The following ST6GALNAC3 variants were observed in gnomAD, a reference collection of about 807,000 sequenced individuals.
ST6GALNAC3 encodes ST6 N-acetylgalactosaminide alpha-2,6-sialyltransferase 3, also known as alpha-N-acetylgalactosaminide alpha-2,6-sialyltransferase 3.
In ST6GALNAC3, 25 loss-of-function variants were observed where a neutral mutation model predicts 32.7. That is an observed-to-expected ratio of 0.76 (90% CI 0.56 to 1.07). ST6GALNAC3 has a LOEUF of 1.07. ST6GALNAC3 is among the 50% of genes least tolerant of loss of function. The probability of loss-of-function intolerance (pLI) is 0.00; values close to 1 mark genes in which losing one functional copy is unlikely to be tolerated. For missense variants in ST6GALNAC3, 355 were observed against 382.4 expected (o/e 0.93, Z 0.60); for synonymous variants, 129 against 133.1 (o/e 0.97, Z 0.21).
At chr1:76,272,013 G>A (rs1658871264) in intron 1 of ST6GALNAC3, among the ~76,000 whole-genome samples, 1 of 151,992 alleles carries the variant, frequency 6.6e-6, no homozygotes, top group Non-Finnish European at 1.5e-5. Flanking sequence ...CTTAGAAACA[G>A]GGTGCATTGT....
chr1:76,449,149 G>A (rs1657203471), intron 3 of ST6GALNAC3, among the ~76,000 whole-genome samples: 1 of 152,140 alleles, frequency 6.6e-6, no homozygotes, highest in African/African-American at 2.4e-5. Context: ...TTGTGAAAAT[G>A]GACTAATGCA....
chr1:76,459,535 G>T (rs1283408786), intron 3 of ST6GALNAC3, among the ~76,000 whole-genome samples: 1 of 150,682 alleles, frequency 6.6e-6, no homozygotes, highest in Non-Finnish European at 1.5e-5. Context: ...CTGCACTCCA[G>T]CCTGGGCGAC....
chr1:76,501,582 C>T (rs1661178675), intron 3 of ST6GALNAC3, among the ~76,000 whole-genome samples: 1 of 152,082 alleles, frequency 6.6e-6, no homozygotes, highest in Admixed American at 6.6e-5. Context: ...AAAAAAACCA[C>T]GCCTAATAAG....
intron 2 of ST6GALNAC3, among the ~76,000 whole-genome samples, chr1:76,347,455 A>G (rs1433821475): frequency 2.0e-5 from 3 of 152,022 alleles, no homozygotes; most frequent in Non-Finnish European, 4.4e-5. Flanking sequence ...TGATTTTAAT[A>G]TATCTTTGAT....
chr1:76,441,702 G>A (rs1029048394), intron 3 of ST6GALNAC3, among the ~76,000 whole-genome samples: 2 of 151,894 alleles, frequency 1.3e-5, no homozygotes, highest in African/African-American at 4.8e-5. Context: ...CTATCAAATA[G>A]TAGGTCTTAT....
intron 2 of ST6GALNAC3, among the ~76,000 whole-genome samples, chr1:76,385,913 G>A (rs968995522): frequency 6.6e-6 from 1 of 152,060 alleles, no homozygotes; most frequent in Non-Finnish European, 1.5e-5. Context: ...GACCCTGAGA[G>A]TCACTTTATG....
rs58714013 is a variant in ST6GALNAC3 at position 76,077,258 on chromosome 1, C to CT, written c.18+2386dup. The stretch of plus-strand genomic sequence containing the variant: ...GTTTTTATGAGGATAAAACTATGGA[C>CT]TTTTTTTTTTTTAATGAAATATTTT... On this transcript the variant is annotated intron_variant, in intron 1 of 4. Transcript: ENST00000328299. Among the ~76,000 whole-genome samples the CT allele has an allele frequency of 6.5e-3, 943 of 145,638 alleles. 11 individuals are homozygous for CT. The highest frequency in any genetic ancestry group is 0.02 in the African/African-American group (801 of 39,490).
At chr1:76,285,140 G>GAA (rs1007638713) in intron 1 of ST6GALNAC3, among the ~76,000 whole-genome samples, 1 of 152,138 alleles carries the variant, frequency 6.6e-6, no homozygotes, top group Non-Finnish European at 1.5e-5. Flanking sequence ...GTCTAACCTA[G>GAA]AACTAAAGCC....
At chr1:76,122,700 A>T (rs554203427) in intron 1 of ST6GALNAC3, among the ~76,000 whole-genome samples, 1 of 152,302 alleles carries the variant, frequency 6.6e-6, no homozygotes, top group Non-Finnish European at 1.5e-5. Flanking sequence ...GGGGGTGATT[A>T]TGCTTGAGAA....
In ST6GALNAC3 at chr1:76,113,832, C is replaced by CT. The variant is rs575165541; in HGVS notation, c.18+38959dup. On this transcript the variant is annotated intron_variant, in intron 1 of 4. Coordinates refer to ENST00000328299, the MANE Select transcript of ST6GALNAC3 (RefSeq NM_152996.4). ...GTTTTGGAAATTACAAATGAAGTAT[C>CT]TTTTTTTTTTTGAGATGGAGTTTCG... is the stretch of plus-strand genomic sequence containing the variant. Among the ~76,000 whole-genome samples the CT allele has an allele frequency of 6.8e-3, 995 of 145,752 alleles. 8 individuals carry two copies. The highest frequency in any genetic ancestry group is 0.018 in the South Asian group (83 of 4,610).
At chr1:76,136,305 T>C (rs1271960454) in intron 1 of ST6GALNAC3, among the ~76,000 whole-genome samples, 1 of 152,234 alleles carries the variant, frequency 6.6e-6, no homozygotes, top group Non-Finnish European at 1.5e-5. Context: ...TTGTTGTCAA[T>C]AGTCTCTTTG....
At chr1:76,485,004 A>G (rs115915385) in intron 3 of ST6GALNAC3, among the ~76,000 whole-genome samples, 5,675 of 152,130 alleles carry the variant, frequency 0.037, 364 homozygotes, top group African/African-American at 0.13. Flanking sequence ...CTTTGGCTCT[A>G]TTTATATGCT....
intron 3 of ST6GALNAC3, among the ~76,000 whole-genome samples, chr1:76,528,334 T>C (rs1663044605): frequency 6.6e-6 from 1 of 152,154 alleles, no homozygotes; most frequent in African/African-American, 2.4e-5. Flanking sequence ...CTCAGAGAGA[T>C]TGAGACGCTT....
At chr1:76,560,004 C>G (rs1665154824) in intron 3 of ST6GALNAC3, among the ~76,000 whole-genome samples, 6 of 152,070 alleles carry the variant, frequency 3.9e-5, no homozygotes, top group Admixed American at 3.9e-4. Flanking sequence ...TCCAATAAAG[C>G]ATAGAGAACC....
At position 76,202,267 on chromosome 1, in the gene ST6GALNAC3, C is replaced by CGTGTGTGTGT. The variant is rs1009699009; in HGVS notation, c.19-111538_19-111537insGTGTGTGTGT. Among the ~76,000 whole-genome samples the CGTGTGTGTGT allele has an allele frequency of 1.3e-3, 125 of 96,878 alleles. No homozygotes were observed. In the South Asian group the frequency reaches 0.024, roughly 19 times the overall value. The allele number at this position is 96,878 out of a possible 152,430, so 63.6% of individuals were successfully genotyped here. A position where few individuals can be genotyped will look rare whatever the true frequency, so the allele number is the denominator to read the frequency against. ...TGTGGGTGGAGAGTGTGTGTGCATG[C>CGTGTGTGTGT]ATGTGTGTGTGTGTGTGTGTGTGTG... On this transcript the variant is annotated intron_variant, in intron 1 of 4. Transcript: ENST00000328299.
chr1:76,085,472 G>T (rs1646952479), intron 1 of ST6GALNAC3, among the ~76,000 whole-genome samples: 1 of 152,166 alleles, frequency 6.6e-6, no homozygotes, highest in Admixed American at 6.5e-5. Context: ...TACGGTACGT[G>T]GAAGAGGAGA....
intron 1 of ST6GALNAC3, among the ~76,000 whole-genome samples, chr1:76,112,639 G>A (rs1487992603): frequency 3.3e-5 from 5 of 149,276 alleles, no homozygotes; most frequent in African/African-American, 1.3e-4. Flanking sequence ...TTGCTGGGCG[G>A]AGGGGCTCCT....
intron 3 of ST6GALNAC3, among the ~76,000 whole-genome samples, chr1:76,486,211 G>T (rs1229425062): frequency 1.3e-5 from 2 of 152,172 alleles, no homozygotes; most frequent in African/African-American, 4.8e-5. Context: ...TTGATTTGGG[G>T]TGGAGATTTC....
At chr1:76,423,951 A>G (rs1453199921) in intron 3 of ST6GALNAC3, among the ~76,000 whole-genome samples, 3 of 151,962 alleles carry the variant, frequency 2.0e-5, no homozygotes, top group Non-Finnish European at 4.4e-5. Flanking sequence ...AGGTGTTAAT[A>G]TCCTCGTAAT....
Sources: gnomAD v4.1 joint callset for allele counts (sites outside exome capture counted in the v4.1 genomes callset) on GRCh38, gnomAD v4.1.1 for gene constraint, MANE v1.5 for transcripts, NCBI Gene and HGNC (gene_info 2026-07-23, HGNC 2026-07-21) for gene names.